Variants in EFCAB6 observed in about 807,000 individuals in gnomAD.
EFCAB6 encodes EF-hand calcium-binding domain-containing protein 6.
Under a neutral mutation model 169.8 loss-of-function variants are expected in EFCAB6, and 156 were observed. The observed-to-expected ratio is 0.92, with a 90% CI of 0.81 to 1.05. The LOEUF is 1.05. EFCAB6 is among the 50% of genes least tolerant of loss of function. The pLI, the probability that EFCAB6 is intolerant of heterozygous loss-of-function variation, is 0.00. For synonymous variants in EFCAB6, 698 were observed against 676.4 expected (o/e 1.03, Z -0.50); for missense variants, 1,800 against 1,829.1 (o/e 0.98, Z 0.29).
At chr22:43,618,918 T>G (rs954441990) in intron 20 of EFCAB6, among the ~76,000 whole-genome samples, 2 of 152,104 alleles carry the variant, frequency 1.3e-5, no homozygotes, top group Non-Finnish European at 2.9e-5. Context: ...CTCTTTTTTT[T>G]TTTTTCTTCT....
At chr22:43,536,895 C>T in intron 29 of EFCAB6, 1 of 152,726 alleles carries the variant, frequency 6.5e-6, no homozygotes. Context: ...AACAAAAAAA[C>T]CAAGATGCAA....
In EFCAB6 at chr22:43,731,873, A is replaced by G; in HGVS notation, c.645-62T>C. ...GAATCTAAAATGAAGCAAGTTTGTT[A>G]CTAAGGTATCCTTTACACTCGGGCT... On this transcript the variant is annotated intron_variant, in intron 7 of 31. Transcript: ENST00000262726. 3 of 1,028,644 alleles carry G rather than the reference A, an allele frequency of 2.9e-6. No individual in the cohort carries two copies. In the South Asian group the frequency reaches 5.7e-5, roughly 19 times the overall value. 63.7% of individuals were successfully genotyped at this position (1,028,644 alleles called of 1,614,324 possible). A position where few individuals can be genotyped will look rare whatever the true frequency, so the allele number is the denominator to read the frequency against.
At chr22:43,584,500 A>G (rs533747299) in intron 24 of EFCAB6, among the ~76,000 whole-genome samples, 1 of 152,242 alleles carries the variant, frequency 6.6e-6, no homozygotes, top group Admixed American at 6.5e-5. Flanking sequence ...CTCACAGTGA[A>G]GATCTGAGAA....
intron 6 of EFCAB6, among the ~76,000 whole-genome samples, chr22:43,748,825 G>A (rs1017259533): frequency 6.6e-5 from 10 of 152,168 alleles, no homozygotes; most frequent in Non-Finnish European, 1.0e-4. Flanking sequence ...GAGCTCTCTC[G>A]GGCAGAGCTC....
intron 17 of EFCAB6, among the ~76,000 whole-genome samples, chr22:43,636,739 T>A (rs1433782524): frequency 6.6e-6 from 1 of 150,644 alleles, no homozygotes; most frequent in Non-Finnish European, 1.5e-5. Context: ...GCCTCCCGAG[T>A]AGCTGGGACT....
At chr22:43,748,500 T>C (rs1048860768) in intron 6 of EFCAB6, among the ~76,000 whole-genome samples, 5 of 152,182 alleles carry the variant, frequency 3.3e-5, no homozygotes, top group African/African-American at 7.2e-5. Context: ...TCAACGTGCA[T>C]TGCAAGTCTA....
chr22:43,638,156 C>T (rs1201932824), intron 17 of EFCAB6, among the ~76,000 whole-genome samples: 2 of 152,180 alleles, frequency 1.3e-5, no homozygotes, highest in East Asian at 3.9e-4. Flanking sequence ...ATGCAAAGGC[C>T]TCTGATGCCT....
intron 8 of EFCAB6, among the ~76,000 whole-genome samples, chr22:43,719,176 G>A (rs1247057368): frequency 6.6e-6 from 1 of 152,208 alleles, no homozygotes; most frequent in Non-Finnish European, 1.5e-5. Flanking sequence ...CAGGCTGGCT[G>A]ACAGCACTCG....
chr22:43,775,823 A>G (rs2147997521), intron 3 of EFCAB6, among the ~76,000 whole-genome samples: 1 of 152,314 alleles, frequency 6.6e-6, no homozygotes, highest in African/African-American at 2.4e-5. Flanking sequence ...GGCAGGCCAC[A>G]TATAGGAGTT....
At chr22:43,749,326 T>G (rs569800897) in intron 6 of EFCAB6, among the ~76,000 whole-genome samples, 2 of 152,028 alleles carry the variant, frequency 1.3e-5, no homozygotes, top group Non-Finnish European at 2.9e-5. Flanking sequence ...GAAGGAGATA[T>G]AAACGTGGGC....
At chr22:43,724,252 T>C (rs998332852) in intron 8 of EFCAB6, among the ~76,000 whole-genome samples, 5 of 152,308 alleles carry the variant, frequency 3.3e-5, no homozygotes, top group East Asian at 1.9e-4. Context: ...GCAGCCAAGT[T>C]TGCAACTGTA....
rs942278046 is a variant in EFCAB6 at position 43,711,389 on chromosome 22, A to G, written c.1031+86T>C. 4 of 1,350,104 alleles carry G rather than the reference A, an allele frequency of 3.0e-6. No individual in the cohort carries two copies. In the Admixed American group the frequency reaches 1.1e-4, roughly 37 times the overall value. The allele number at this position is 1,350,104 out of a possible 1,614,324, so 83.6% of individuals were successfully genotyped here. On this transcript the variant is annotated intron_variant, in intron 10 of 31. Transcript: ENST00000262726. ...TTTTCAGTAATAAAAAGTCTAAAACATTAATAAAAAATAAACGAAGCTGTG... is the reference window on the plus strand; with the variant it reads ...TTTTCAGTAATAAAAAGTCTAAAACGTTAATAAAAAATAAACGAAGCTGTG...
intron 8 of EFCAB6, among the ~76,000 whole-genome samples, chr22:43,729,362 G>A (rs2059853007): frequency 6.6e-6 from 1 of 152,146 alleles, no homozygotes; most frequent in South Asian, 2.1e-4. Flanking sequence ...CTCCCAAAGT[G>A]CTGGGATTAC....
chr22:43,631,294 C>G (rs902222070), intron 19 of EFCAB6, among the ~76,000 whole-genome samples: 6 of 151,940 alleles, frequency 3.9e-5, no homozygotes, highest in African/African-American at 7.3e-5. Context: ...TATTCACCCT[C>G]TTTTACTTCT....
At chr22:43,724,333 G>A (rs1232999733) in intron 8 of EFCAB6, among the ~76,000 whole-genome samples, 1 of 151,070 alleles carries the variant, frequency 6.6e-6, no homozygotes, top group Non-Finnish European at 1.5e-5. Context: ...TTGTCAGAAT[G>A]GTCTTTACTG....
At chr22:43,806,184 AGGGGGAGGG>A (rs964010694) in intron 2 of EFCAB6, among the ~76,000 whole-genome samples, 2 of 6,878 alleles carry the variant, frequency 2.9e-4, no homozygotes, top group South Asian at 5.6e-3. Context: ...AGAGGAGAGG[AGGGGGAGGG>A]GAGGGGAGGG....
intron 10 of EFCAB6, among the ~76,000 whole-genome samples, chr22:43,701,117 A>G (rs1439477169): frequency 6.6e-6 from 1 of 152,190 alleles, no homozygotes; most frequent in Admixed American, 6.5e-5. Flanking sequence ...GCAAAGGTAG[A>G]TTTGCTGTCT....
chr22:43,757,314 G>A lies in EFCAB6; in HGVS notation c.441-1482C>T, dbSNP rs562436357. Among the ~76,000 whole-genome samples, 10 of 152,330 alleles carry A rather than the reference G, an allele frequency of 6.6e-5. 1 individual carries two copies. The South Asian group carries it at 1.7e-3, about 25-fold the overall frequency. ...TGTAATCCCAGCACTTTGGGAGACTGAGGCGGGAGGATCACCTGAGGTTGG... is the reference window on the plus strand; with the variant it reads ...TGTAATCCCAGCACTTTGGGAGACTAAGGCGGGAGGATCACCTGAGGTTGG... On this transcript the variant is annotated intron_variant, in intron 5 of 31. Transcript: ENST00000262726.
intron 2 of EFCAB6, among the ~76,000 whole-genome samples, chr22:43,792,311 C>T (rs541085480): frequency 1.8e-3 from 272 of 152,290 alleles, no homozygotes; most frequent in Non-Finnish European, 3.2e-3. Flanking sequence ...CAGCCATGTT[C>T]AGCAGCACAG....
Sources: allele counts gnomAD v4.1 joint callset (sites outside exome capture counted in the v4.1 genomes callset), GRCh38; gene constraint gnomAD v4.1.1; transcripts MANE v1.5; gene names NCBI Gene and HGNC (gene_info 2026-07-23, HGNC 2026-07-21).